PTK2: variants seen among roughly 807,000 people sequenced by gnomAD.
PTK2 encodes focal adhesion kinase 1.
In PTK2, 45 loss-of-function variants were observed where a neutral mutation model predicts 150.1. The ratio of observed to expected loss-of-function variants is 0.30; its 90% CI spans 0.24 to 0.38. The LOEUF (loss-of-function observed/expected upper bound fraction) is 0.38, where lower values mean the gene tolerates loss of function less well. Among genes scored for constraint, PTK2 ranks in the 10% least tolerant of loss-of-function variants. The probability of loss-of-function intolerance (pLI) is 1.00; values close to 1 mark genes in which losing one functional copy is unlikely to be tolerated. For missense variants in PTK2, 919 were observed against 1,307.3 expected (o/e 0.70, Z 4.58); for synonymous variants, 432 against 449.2 (o/e 0.96, Z 0.48).
At chr8:140,880,968 G>A (rs559071594) in intron 3 of PTK2, among the ~76,000 whole-genome samples, 1 of 152,234 alleles carries the variant, frequency 6.6e-6, no homozygotes, top group South Asian at 2.1e-4. Flanking sequence ...CCAAGCACAG[G>A]AAGTGGCAGA....
At position 140,849,213 on chromosome 8, in the gene PTK2, T is replaced by C. The variant is rs150249934; in HGVS notation, c.451-2535A>G. ...TTCTGCAAAGAGTATAGATCTGAGA[T>C]AGAATAAGGCATCACCACAGACCCG... On this transcript the variant is annotated intron_variant, in intron 5 of 31. Transcript: ENST00000522684. 4.5e-3 allele frequency among the ~76,000 whole-genome samples: 686 copies of C among 152,250 alleles called. 4 individuals carry two copies. Among genetic ancestry groups the C allele is most frequent in the African/African-American group, 0.015 (644 of 41,556 alleles).
chr8:140,986,918 G>GA (rs1178578439), intron 1 of PTK2, among the ~76,000 whole-genome samples: 1 of 152,064 alleles, frequency 6.6e-6, no homozygotes, highest in South Asian at 2.1e-4. Context: ...ACTTCTAGGA[G>GA]AAAAAAATCA....
At chr8:140,810,933 T>C (rs925387424) in intron 10 of PTK2, among the ~76,000 whole-genome samples, 2 of 152,190 alleles carry the variant, frequency 1.3e-5, no homozygotes, top group African/African-American at 2.4e-5. Flanking sequence ...CCAGCACCAA[T>C]GCTGCACAGT....
At chr8:140,789,306 C>A (rs1275459810) in intron 14 of PTK2, among the ~76,000 whole-genome samples, 168 bp downstream of exon 14, 1 of 150,958 alleles carries the variant, frequency 6.6e-6, no homozygotes, top group African/African-American at 2.4e-5. Context: ...AAACTATGAG[C>A]CATACTTAAA....
At chr8:140,739,745 C>A (rs892827633) in intron 20 of PTK2, among the ~76,000 whole-genome samples, 2 of 152,196 alleles carry the variant, frequency 1.3e-5, no homozygotes, top group African/African-American at 4.8e-5. Context: ...ACCTCTCCAA[C>A]CACCAGAGCC....
At chr8:140,686,721 C>T in intron 26 of PTK2, 27 bp from the exon 30 acceptor site, 1 of 1,590,734 alleles carries the variant, frequency 6.3e-7, no homozygotes, top group Non-Finnish European at 8.6e-7. Context: ...AAAATCAAAA[C>T]AATTTCATTT....
intron 31 of PTK2, 134 bp downstream of exon 35, chr8:140,664,783 G>T: frequency 1.2e-6 from 1 of 855,940 alleles, no homozygotes; most frequent in Non-Finnish European, 1.9e-6. Context: ...TAGAGGGAAG[G>T]TCATCGCTTG....
intron 23 of PTK2, among the ~76,000 whole-genome samples, chr8:140,711,393 C>T (rs1026444822): frequency 1.3e-5 from 2 of 152,226 alleles, no homozygotes; most frequent in Non-Finnish European, 2.9e-5. Context: ...AGGCGTGAGC[C>T]ACCATGCCCG....
Position 140,958,546 on chromosome 8 carries a change from C to A in PTK2, c.-121-32797G>T, listed in dbSNP as rs191152962. Among the ~76,000 whole-genome samples the A allele has an allele frequency of 3.5e-3, 526 of 152,258 alleles. 6 individuals carry two copies. Among genetic ancestry groups the A allele is most frequent in the African/African-American group, 0.012 (508 of 41,534 alleles). On this transcript the variant is annotated intron_variant, in intron 1 of 31. Coordinates refer to ENST00000522684, the Ensembl canonical transcript of PTK2. ...GTGTCCAGAGATAATAAGATGTTAT[C>A]CATCATAATCCTCCAAAACTATGCT...
intron 5 of PTK2, among the ~76,000 whole-genome samples, chr8:140,850,363 T>G (rs1345678700): frequency 6.6e-6 from 1 of 150,962 alleles, no homozygotes; most frequent in Non-Finnish European, 1.5e-5. Flanking sequence ...GAGGCGGAGG[T>G]TGCAGAGAGC....
intron 5 of PTK2, among the ~76,000 whole-genome samples, chr8:140,851,927 T>C (rs926345571): frequency 1.3e-5 from 2 of 152,128 alleles, no homozygotes; most frequent in East Asian, 1.9e-4. Context: ...ACATTTGATG[T>C]TGAGTGTGTG....
At chr8:140,742,700 C>T (rs894840595) in intron 20 of PTK2, among the ~76,000 whole-genome samples, 6 of 152,148 alleles carry the variant, frequency 3.9e-5, no homozygotes, top group African/African-American at 9.7e-5. Context: ...TTTCTAAGTG[C>T]ATTCTTTGTG....
At chr8:140,731,577 A>G (rs1418752637) in intron 22 of PTK2, among the ~76,000 whole-genome samples, 1 of 152,102 alleles carries the variant, frequency 6.6e-6, no homozygotes, top group Non-Finnish European at 1.5e-5. Context: ...ACCAAAAATC[A>G]CTTCTCAACT....
intron 19 of PTK2, among the ~76,000 whole-genome samples, chr8:140,744,179 T>C (rs887387355): frequency 1.3e-5 from 2 of 152,038 alleles, no homozygotes; most frequent in African/African-American, 4.8e-5. Flanking sequence ...GGGTCTTTAC[T>C]TGCATTCAAA....
intron 3 of PTK2, among the ~76,000 whole-genome samples, chr8:140,879,967 C>G (rs369471345): frequency 6.6e-6 from 1 of 152,140 alleles, no homozygotes; most frequent in East Asian, 1.9e-4. Context: ...TCATCACCCC[C>G]CAACCTGTCA....
At chr8:140,751,074 G>C (rs2100062368) in intron 17 of PTK2, among the ~76,000 whole-genome samples, 1 of 151,620 alleles carries the variant, frequency 6.6e-6, no homozygotes, top group Non-Finnish European at 1.5e-5. Flanking sequence ...GACAGACACT[G>C]CCTCAAAAAA....
chr8:140,863,411 G>A (rs1299561007), intron 5 of PTK2, among the ~76,000 whole-genome samples: 1 of 151,990 alleles, frequency 6.6e-6, no homozygotes, highest in Non-Finnish European at 1.5e-5. Context: ...GCTAACTAAC[G>A]TTTTTAAATG....
intron 2 of PTK2, among the ~76,000 whole-genome samples, chr8:140,910,930 T>A (rs569425441): frequency 2.0e-5 from 3 of 152,186 alleles, no homozygotes; most frequent in African/African-American, 7.2e-5. Flanking sequence ...CAGGCTGGAG[T>A]GCAGTGGGGT....
chr8:140,776,471 G>A (rs1271490841), intron 14 of PTK2, among the ~76,000 whole-genome samples: 4 of 152,108 alleles, frequency 2.6e-5, no homozygotes, highest in African/African-American at 9.7e-5. Context: ...AACCCTAAAG[G>A]AAAAAACTTA....
Sources: allele counts gnomAD v4.1 joint callset (sites outside exome capture counted in the v4.1 genomes callset), GRCh38; gene constraint gnomAD v4.1.1; transcripts MANE v1.5; gene names NCBI Gene and HGNC (gene_info 2026-07-23, HGNC 2026-07-21).